Variants in MGAT4C observed in about 807,000 individuals in gnomAD.
MGAT4C encodes the protein MGAT4 family member C.
A neutral mutation model predicts 40.1 loss-of-function variants in MGAT4C; 19 were observed. That is an observed-to-expected ratio of 0.47 (90% CI 0.33 to 0.70). The LOEUF is 0.70. Among genes scored for constraint, MGAT4C ranks in the 30% least tolerant of loss-of-function variants. The pLI is 0.02. For synonymous variants in MGAT4C, 181 were observed against 187.1 expected, an observed-to-expected ratio of 0.97 and a Z score of 0.27; for missense variants, 491 against 563.2, an observed-to-expected ratio of 0.87 and a Z score of 1.30.
intron 1 of MGAT4C, among the ~76,000 whole-genome samples, chr12:86,104,804 CGTTA>C (rs777787448): frequency 2.6e-5 from 4 of 152,036 alleles, no homozygotes; most frequent in Non-Finnish European, 5.9e-5. Flanking sequence ...ATTTTATACA[CGTTA>C]GTTATCAGAA....
At position 86,264,351 on chromosome 12, in the gene MGAT4C, T is replaced by C. The variant is rs12810716; in HGVS notation, c.-57+69714A>G. ...GATATATTTTTAATTTATTTTTGTA[T>C]ATGGTGAGAGATAGGGGATAGGAGC... On this transcript the variant is annotated intron_variant, in intron 4 of 7. Coordinates refer to the MGAT4C transcript ENST00000548651. Among the ~76,000 whole-genome samples the C allele has an allele frequency of 1.8e-3, 270 of 152,306 alleles. 2 individuals carry two copies. The highest frequency in any genetic ancestry group is 6.2e-3 in the African/African-American group (258 of 41,566).
chr12:86,248,205 TC>T, intron 1 of MGAT4C, among the ~76,000 whole-genome samples: 1 of 132,718 alleles, frequency 7.5e-6, no homozygotes, highest in Non-Finnish European at 1.7e-5. Context: ...CTTCCTTCCT[TC>T]CTTCCTTCCT....
chr12:86,023,037 T>G lies in MGAT4C; in HGVS notation c.-7+26637A>C, dbSNP rs906900149. 4.6e-5 allele frequency among the ~76,000 whole-genome samples: 7 copies of G among 152,254 alleles called. No individual in the cohort carries two copies. The South Asian group carries it at 1.4e-3, about 32-fold the overall frequency. On this transcript the variant is annotated intron_variant, in intron 2 of 4. Coordinates refer to ENST00000611864, the MANE Select transcript of MGAT4C (RefSeq NM_001351288.2). ...AAAGTTGTTGATTTTTCCTGTTTTC[T>G]TAAAATCTCACCACCATCTGAGCAG... is the stretch of plus-strand genomic sequence containing the variant.
chr12:85,986,454 A>G (rs561162884), intron 3 of MGAT4C, among the ~76,000 whole-genome samples: 1 of 152,314 alleles, frequency 6.6e-6, no homozygotes, highest in East Asian at 1.9e-4. Flanking sequence ...TGTCTCTTAC[A>G]CTAAGTGCAG....
chr12:86,208,906 G>A (rs1593239792), intron 1 of MGAT4C, among the ~76,000 whole-genome samples: 2 of 152,114 alleles, frequency 1.3e-5, no homozygotes, highest in East Asian at 3.9e-4. Flanking sequence ...AACTCAAAAA[G>A]GACCTATACA....
chr12:86,046,946 T>C (rs908841353), intron 2 of MGAT4C, among the ~76,000 whole-genome samples: 1 of 152,176 alleles, frequency 6.6e-6, no homozygotes, highest in Non-Finnish European at 1.5e-5. Flanking sequence ...GTTTAAAAAA[T>C]GCAGTTATTT....
intron 1 of MGAT4C, among the ~76,000 whole-genome samples, chr12:86,795,334 C>T (rs1001093411): frequency 6.6e-6 from 1 of 151,890 alleles, no homozygotes; most frequent in Non-Finnish European, 1.5e-5. Flanking sequence ...GCTGTAGTTA[C>T]ACTTGTGAAA....
At chr12:86,543,062 A>G (rs1304385438) in intron 2 of MGAT4C, among the ~76,000 whole-genome samples, 1 of 152,026 alleles carries the variant, frequency 6.6e-6, no homozygotes, top group Non-Finnish European at 1.5e-5. Flanking sequence ...ACTTCTGTTT[A>G]AAGAAATTTT....
chr12:86,271,539 G>A (rs1044707046), intron 4 of MGAT4C, among the ~76,000 whole-genome samples: 2 of 152,128 alleles, frequency 1.3e-5, no homozygotes, highest in Non-Finnish European at 2.9e-5. Flanking sequence ...GTGGAAAAAA[G>A]GGAACACTTA....
intron 2 of MGAT4C, among the ~76,000 whole-genome samples, chr12:86,509,451 T>C (rs1242856393): frequency 6.6e-6 from 1 of 152,240 alleles, no homozygotes. Flanking sequence ...CCATGCTGTT[T>C]TACTTACTGT....
intron 2 of MGAT4C, among the ~76,000 whole-genome samples, chr12:86,526,404 A>T (rs1565826507): frequency 6.6e-6 from 1 of 152,104 alleles, no homozygotes; most frequent in Non-Finnish European, 1.5e-5. Flanking sequence ...ACAAAGTGAT[A>T]TGGAGGGTTT....
At chr12:86,394,536 C>CATATATTTATATATATTT (rs1449352304) in intron 3 of MGAT4C, among the ~76,000 whole-genome samples, 3 of 134,044 alleles carry the variant, frequency 2.2e-5, no homozygotes, top group Non-Finnish European at 4.8e-5. Flanking sequence ...ATATTTTATA[C>CATATATTTATATATATTT]ATATATTTAT....
At position 86,765,624 on chromosome 12, in the gene MGAT4C, G is replaced by A. The variant is rs567714371; in HGVS notation, c.-261-38383C>T. ...TAAAGGGCAGCCAGAGAGAAAGGTC[G>A]GGTTACCCACAAAGAGAAGCCCATC... On this transcript the variant is annotated intron_variant, in intron 1 of 7. Transcript: ENST00000548651. Among the ~76,000 whole-genome samples, 8 of 152,230 alleles carry A rather than the reference G, an allele frequency of 5.3e-5. No homozygotes were observed. In the East Asian group the frequency reaches 7.7e-4, roughly 15 times the overall value.
intron 2 of MGAT4C, among the ~76,000 whole-genome samples, chr12:86,523,440 C>G (rs2136362455): frequency 6.6e-6 from 1 of 152,266 alleles, no homozygotes; most frequent in East Asian, 1.9e-4. Context: ...TTTGATCACG[C>G]TGTGATCTGA....
intron 1 of MGAT4C, among the ~76,000 whole-genome samples, chr12:86,248,902 C>T (rs958563298): frequency 6.6e-6 from 1 of 152,134 alleles, no homozygotes; most frequent in Non-Finnish European, 1.5e-5. Flanking sequence ...TGTTCCCATG[C>T]TGAGCACCTC....
chr12:86,793,040 A>G (rs1176779472), intron 1 of MGAT4C, among the ~76,000 whole-genome samples: 1 of 152,246 alleles, frequency 6.6e-6, no homozygotes, highest in African/African-American at 2.4e-5. Context: ...CAAATAGTGC[A>G]GTTTCTTCAC....
chr12:86,779,559 G>A (rs900812086), intron 1 of MGAT4C, among the ~76,000 whole-genome samples: 10 of 151,872 alleles, frequency 6.6e-5, no homozygotes, highest in Non-Finnish European at 1.2e-4. Context: ...CCATGATGGC[G>A]ACACTGCACT....
At chr12:86,173,793 T>C (rs1021006093) in intron 1 of MGAT4C, among the ~76,000 whole-genome samples, 7 of 152,156 alleles carry the variant, frequency 4.6e-5, no homozygotes, top group Non-Finnish European at 1.0e-4. Context: ...ATTTCACTTA[T>C]ATTTCTAATA....
chr12:86,046,075 C>T (rs1198140327), intron 2 of MGAT4C, among the ~76,000 whole-genome samples: 1 of 152,130 alleles, frequency 6.6e-6, no homozygotes, highest in Non-Finnish European at 1.5e-5. Context: ...GTAGTATTCA[C>T]AATGGAGTTA....
Sources: gnomAD v4.1 joint callset for allele counts (sites outside exome capture counted in the v4.1 genomes callset) on GRCh38, gnomAD v4.1.1 for gene constraint, MANE v1.5 for transcripts, NCBI Gene and HGNC (gene_info 2026-07-23, HGNC 2026-07-21) for gene names.